Variants in DOCK9 observed in about 807,000 individuals in gnomAD.
DOCK9 encodes the protein dedicator of cytokinesis 9.
DOCK9 carries 89 observed loss-of-function variants against 263.3 expected under a neutral mutation model. That is an observed-to-expected ratio of 0.34 (90% CI 0.28 to 0.40). The LOEUF is 0.40. Among genes scored for constraint, DOCK9 ranks in the 10% least tolerant of loss-of-function variants. DOCK9 has a pLI of 1.00. For synonymous variants in DOCK9, 976 were observed against 973.1 expected (o/e 1.00, Z -0.06); for missense variants, 2,140 against 2,603.4 (o/e 0.82, Z 3.87).
At chr13:98,837,895 C>T (rs764178868) in intron 38 of DOCK9, among the ~76,000 whole-genome samples, 11 of 152,192 alleles carry the variant, frequency 7.2e-5, no homozygotes, top group Non-Finnish European at 1.3e-4. Context: ...ATTCTATGAA[C>T]TTTACACATA....
chr13:99,084,994 G>C (rs1207588256), intron 1 of DOCK9, among the ~76,000 whole-genome samples: 1 of 152,186 alleles, frequency 6.6e-6, no homozygotes, highest in Non-Finnish European at 1.5e-5. Context: ...TGTTTACTAT[G>C]GATCAAACTG....
intron 1 of DOCK9, among the ~76,000 whole-genome samples, chr13:99,077,862 G>A (rs182096249): frequency 7.8e-4 from 119 of 152,302 alleles, no homozygotes; most frequent in African/African-American, 2.7e-3. Context: ...CAATGGAGAG[G>A]TAGCGTGTGG....
At chr13:98,985,336 C>T (rs1878203224) in intron 1 of DOCK9, among the ~76,000 whole-genome samples, 1 of 149,904 alleles carries the variant, frequency 6.7e-6, no homozygotes, top group Non-Finnish European at 1.5e-5. Context: ...CTTCATTTTT[C>T]CATAGGCTCT....
chr13:98,882,798 C>T (rs1231205742), intron 23 of DOCK9, among the ~76,000 whole-genome samples: 5 of 152,116 alleles, frequency 3.3e-5, no homozygotes, highest in South Asian at 4.1e-4. Context: ...GTTTTCCATG[C>T]GTGAGAAACA....
At position 98,807,748 on chromosome 13, in the gene DOCK9, C is replaced by T. The variant is rs142117361; in HGVS notation, c.5427G>A (p.Pro1809=). 710 of 1,613,492 alleles carry T rather than the reference C, an allele frequency of 4.4e-4. 11 individuals are homozygous for T. In the South Asian group the frequency reaches 5.7e-3, roughly 13 times the overall value. ...EYIYKEPKLT[P]LSEISQRLLK... ...GGAGTCTCTGAGAAATTTCCGACAG[C>T]GGTGTGAGTTTGGGTTCCTTGTAAA... The change falls in exon 48 of 53, where the codon CCG becomes CCA. Residue 1809 remains proline, a synonymous_variant. Transcript: ENST00000682017.
intron 30 of DOCK9, among the ~76,000 whole-genome samples, chr13:98,863,772 A>G (rs1480547971): frequency 1.3e-5 from 2 of 152,242 alleles, no homozygotes; most frequent in African/African-American, 4.8e-5. Flanking sequence ...AAATTTAAAT[A>G]CAATTAAGTG....
At chr13:98,932,927 C>T (rs564770091) in intron 2 of DOCK9, among the ~76,000 whole-genome samples, 17 of 152,046 alleles carry the variant, frequency 1.1e-4, no homozygotes, top group African/African-American at 4.1e-4. Flanking sequence ...TGTGAAATGC[C>T]ACAGAGATGA....
At chr13:98,941,324 G>T (rs1239076659) in intron 2 of DOCK9, among the ~76,000 whole-genome samples, 1 of 152,138 alleles carries the variant, frequency 6.6e-6, no homozygotes, top group Admixed American at 6.5e-5. Flanking sequence ...ATCACATGAG[G>T]TTCCAAATGA....
At chr13:98,990,133 G>C (rs1229407758) in intron 1 of DOCK9, among the ~76,000 whole-genome samples, 1 of 152,178 alleles carries the variant, frequency 6.6e-6, no homozygotes, top group Non-Finnish European at 1.5e-5. Flanking sequence ...TCATAGGATG[G>C]TAACTAAAAG....
intron 1 of DOCK9, among the ~76,000 whole-genome samples, chr13:99,018,607 G>A (rs1325971861): frequency 6.6e-6 from 1 of 152,174 alleles, no homozygotes; most frequent in African/African-American, 2.4e-5. Flanking sequence ...AAAATATTTA[G>A]AGTGAAGTAT....
At chr13:98,799,852 A>G (rs2089902454) in intron 50 of DOCK9, among the ~76,000 whole-genome samples, 1 of 152,248 alleles carries the variant, frequency 6.6e-6, no homozygotes, top group African/African-American at 2.4e-5. Flanking sequence ...GCTATATTAA[A>G]ATAATGAATT....
intron 1 of DOCK9, among the ~76,000 whole-genome samples, chr13:99,072,891 G>C (rs1431901706): frequency 1.3e-5 from 2 of 152,144 alleles, no homozygotes; most frequent in Non-Finnish European, 2.9e-5. Context: ...CCAGCTACTT[G>C]CAAGGCTGAA....
chr13:98,896,669 A>G (rs1449337610), intron 15 of DOCK9, among the ~76,000 whole-genome samples: 1 of 152,206 alleles, frequency 6.6e-6, no homozygotes, highest in Non-Finnish European at 1.5e-5. Flanking sequence ...GTTCAGAGTG[A>G]ACTCTTTAGG....
intron 1 of DOCK9, among the ~76,000 whole-genome samples, chr13:98,972,937 T>C (rs1480172228): frequency 1.3e-5 from 2 of 152,186 alleles, no homozygotes; most frequent in African/African-American, 2.4e-5. Context: ...CAAGTCTCCA[T>C]TCTTGTAAAT....
chr13:98,892,316 A>G (rs2046746449), intron 15 of DOCK9, among the ~76,000 whole-genome samples: 1 of 152,160 alleles, frequency 6.6e-6, no homozygotes, highest in South Asian at 2.1e-4. Context: ...TCCCATGCCA[A>G]CAGATTTGGG....
intron 2 of DOCK9, among the ~76,000 whole-genome samples, chr13:98,942,260 C>CA (rs2056049852): frequency 7.2e-6 from 1 of 138,500 alleles, no homozygotes; most frequent in Non-Finnish European, 1.5e-5. Flanking sequence ...TTTTTTGAGA[C>CA]AGAGTCTCGC....
At chr13:98,931,373 A>G (rs1321499025) in intron 2 of DOCK9, among the ~76,000 whole-genome samples, 1 of 151,870 alleles carries the variant, frequency 6.6e-6, no homozygotes, top group African/African-American at 2.4e-5. Flanking sequence ...ATCTCAGCTC[A>G]CTGCCAGCTC....
chr13:99,004,784 GACACACACACACACAC>G (rs10533387), intron 1 of DOCK9, among the ~76,000 whole-genome samples: 16 of 148,040 alleles, frequency 1.1e-4, no homozygotes, highest in South Asian at 4.3e-4. Context: ...AAAAACTATA[GACACACACACACACAC>G]ACACACACAC....
At chr13:99,085,714 C>T (rs1188197266) in intron 1 of DOCK9, among the ~76,000 whole-genome samples, 1 of 152,054 alleles carries the variant, frequency 6.6e-6, no homozygotes, top group East Asian at 1.9e-4. Flanking sequence ...CGAAGTCCTT[C>T]CCTCCTGGAG....
Sources: gnomAD v4.1 joint callset for allele counts (sites outside exome capture counted in the v4.1 genomes callset) on GRCh38, gnomAD v4.1.1 for gene constraint, MANE v1.5 for transcripts, NCBI Gene and HGNC (gene_info 2026-07-23, HGNC 2026-07-21) for gene names.